Variants in EXOC4 observed in about 807,000 individuals in gnomAD.
The protein encoded by EXOC4 is SEC8-like 1.
Under a neutral mutation model 107.2 loss-of-function variants are expected in EXOC4, and 71 were observed. That is an observed-to-expected ratio of 0.66 (90% CI 0.55 to 0.81). EXOC4 has a LOEUF of 0.81. Ranked by LOEUF, EXOC4 falls within the 30% of genes least tolerant of loss-of-function variation. The pLI is 0.00. For missense variants in EXOC4, 1,108 were observed against 1,189.6 expected (o/e 0.93, Z 1.01); for synonymous variants, 456 against 441.2 (o/e 1.03, Z -0.42).
intron 17 of EXOC4, among the ~76,000 whole-genome samples, chr7:134,061,466 A>G (rs1046250956): frequency 6.6e-6 from 1 of 152,196 alleles, no homozygotes; most frequent in Admixed American, 6.5e-5. Flanking sequence ...AGAAGCACAT[A>G]TCTGGGGATG....
rs1176169557 is a variant in EXOC4, at chr7:133,374,961, G to C, written c.1141G>C (p.Asp381His). ...TCAGCAGGAAGATATCAAACTGTAT[G>C]ATATGGCAGATGTATGGGTGAAGAT... ...LTQQEDIKLY[D>H]MADVWVKIQD... is the part of the protein sequence containing the mutation. The change falls in exon 7 of 18, where the codon GAT becomes CAT. Residue 381 changes from aspartate to histidine, a missense_variant. Physicochemically the swap from Asp to His is moderately conservative, Grantham distance 81. Transcript: ENST00000253861. 1.2e-6 allele frequency: 2 copies of C among 1,613,900 alleles called. No homozygotes were observed. The highest frequency in any genetic ancestry group is 1.1e-5 in the South Asian group (1 of 91,068).
intron 9 of EXOC4, among the ~76,000 whole-genome samples, chr7:133,575,509 A>G (rs1703647718): frequency 6.6e-6 from 1 of 152,220 alleles, no homozygotes; most frequent in Admixed American, 6.5e-5. Context: ...TTGAATTGAA[A>G]TAGTTTGTTG....
chr7:133,636,663 G>T (rs1802719610), intron 10 of EXOC4, among the ~76,000 whole-genome samples: 1 of 152,312 alleles, frequency 6.6e-6, no homozygotes, highest in East Asian at 1.9e-4. Flanking sequence ...ACTGATGCTG[G>T]TTCTGTTGAA....
chr7:134,076,193 G>A, the EXOC4 span, among the ~76,000 whole-genome samples: 2 of 152,136 alleles, frequency 1.3e-5, no homozygotes. Flanking sequence ...TTCCCAACAA[G>A]TCCTCAGTCA....
chr7:133,776,015 TG>T (rs948509828), intron 10 of EXOC4, among the ~76,000 whole-genome samples: 3 of 152,174 alleles, frequency 2.0e-5, no homozygotes, highest in African/African-American at 7.2e-5. Flanking sequence ...TGGGCATTAT[TG>T]GGCATTCTGT....
chr7:133,321,736 C>A (rs1795117020), intron 5 of EXOC4, among the ~76,000 whole-genome samples: 1 of 152,134 alleles, frequency 6.6e-6, no homozygotes. Context: ...TGGGTATATA[C>A]CCAGTAATGG....
intron 10 of EXOC4, among the ~76,000 whole-genome samples, chr7:133,634,555 T>TC (rs1167903831): frequency 6.6e-6 from 1 of 152,128 alleles, no homozygotes; most frequent in African/African-American, 2.4e-5. Flanking sequence ...AATGGTGCAA[T>TC]CTCGGCTCAC....
rs1241244773 is a variant in EXOC4, at chr7:133,894,804, G to A, written c.1735-795G>A. On this transcript the variant is annotated intron_variant, in intron 11 of 17. Transcript: ENST00000253861. ...TGCCCGTTCTCAGATCTCCAGCTGC[G>A]TGCTGGGAGAACCACTGCTCTCTTC... Among the ~76,000 whole-genome samples, 5 of 83,598 alleles carry A rather than the reference G, an allele frequency of 6.0e-5. 2 individuals are homozygous for A. Among genetic ancestry groups the A allele is most frequent in the African/African-American group, 1.4e-4 (1 of 7,322 alleles). 54.8% of individuals were successfully genotyped at this position (83,598 alleles called of 152,430 possible). A position where few individuals can be genotyped will look rare whatever the true frequency, so the allele number is the denominator to read the frequency against.
At chr7:133,993,803 G>C (rs936332823) in intron 14 of EXOC4, among the ~76,000 whole-genome samples, 1 of 152,136 alleles carries the variant, frequency 6.6e-6, no homozygotes, top group Non-Finnish European at 1.5e-5. Context: ...GGGAGCAAGT[G>C]GTGGCCACAG....
chr7:134,088,134 G>C, the EXOC4 span, among the ~76,000 whole-genome samples: 1 of 152,166 alleles, frequency 6.6e-6, no homozygotes, highest in Non-Finnish European at 1.5e-5. Flanking sequence ...CCTTTGCAGG[G>C]ACTGTGTAGA....
intron 6 of EXOC4, among the ~76,000 whole-genome samples, chr7:133,368,374 G>A (rs2150677999): frequency 6.6e-6 from 1 of 152,224 alleles, no homozygotes. Flanking sequence ...TTATTATTAT[G>A]GAATATAAGC....
intron 17 of EXOC4, among the ~76,000 whole-genome samples, chr7:134,052,160 G>T (rs1795810577): frequency 6.6e-6 from 1 of 152,162 alleles, no homozygotes; most frequent in Non-Finnish European, 1.5e-5. Flanking sequence ...GAATACAAAT[G>T]ATTTGTTCAA....
chr7:133,665,149 T>TC (rs1793783439), intron 10 of EXOC4, among the ~76,000 whole-genome samples: 1 of 152,188 alleles, frequency 6.6e-6, no homozygotes, highest in African/African-American at 2.4e-5. Context: ...TGTAGACACT[T>TC]ACACCATGGT....
chr7:133,872,606 A>T (rs1229908688), intron 11 of EXOC4, among the ~76,000 whole-genome samples: 1 of 152,216 alleles, frequency 6.6e-6, no homozygotes, highest in Non-Finnish European at 1.5e-5. Context: ...TAAAAGGAGC[A>T]GAGAGTTTAA....
chr7:133,681,568 C>T (rs1056853739), intron 10 of EXOC4, among the ~76,000 whole-genome samples: 2 of 152,132 alleles, frequency 1.3e-5, no homozygotes, highest in Non-Finnish European at 2.9e-5. Flanking sequence ...AGTCTTCCTA[C>T]CATAGTTTAG....
chr7:133,903,262 G>T (rs1208716902), intron 12 of EXOC4, among the ~76,000 whole-genome samples: 1 of 152,208 alleles, frequency 6.6e-6, no homozygotes, highest in Non-Finnish European at 1.5e-5. Flanking sequence ...TACAAGGATT[G>T]TGCGTAGGAG....
intron 9 of EXOC4, among the ~76,000 whole-genome samples, chr7:133,552,696 T>G (rs1285977918): frequency 6.6e-6 from 1 of 152,082 alleles, no homozygotes; most frequent in Non-Finnish European, 1.5e-5. Context: ...ACATGTATGA[T>G]CAGCACAGTC....
At chr7:133,473,599 T>A (rs10254118) in intron 7 of EXOC4, among the ~76,000 whole-genome samples, 44,037 of 152,142 alleles carry the variant, frequency 0.29, 6,618 homozygotes, top group South Asian at 0.4. Context: ...CCTACTCTGT[T>A]GTGTTTTCCA....
At chr7:133,656,083 A>G (rs1803287095) in intron 10 of EXOC4, among the ~76,000 whole-genome samples, 2 of 152,122 alleles carry the variant, frequency 1.3e-5, no homozygotes, top group Non-Finnish European at 2.9e-5. Flanking sequence ...CCACCATGGT[A>G]TATATAAGCA....
Sources: gnomAD v4.1 joint callset for allele counts (sites outside exome capture counted in the v4.1 genomes callset) on GRCh38, gnomAD v4.1.1 for gene constraint, MANE v1.5 for transcripts, NCBI Gene and HGNC (gene_info 2026-07-23, HGNC 2026-07-21) for gene names.